Variants in CASP8 observed in about 807,000 individuals in gnomAD.
CASP8 encodes the protein caspase 8.
A neutral mutation model predicts 46.3 loss-of-function variants in CASP8; 24 were observed. The ratio of observed to expected loss-of-function variants is 0.52; its 90% CI spans 0.38 to 0.73. The LOEUF (loss-of-function observed/expected upper bound fraction) is 0.73. Ranked by LOEUF, CASP8 falls within the 30% of genes least tolerant of loss-of-function variation. The probability of loss-of-function intolerance (pLI) is 0.00; values close to 1 mark genes in which losing one functional copy is unlikely to be tolerated. For synonymous variants in CASP8, 188 were observed against 200.4 expected (o/e 0.94, Z 0.52); for missense variants, 460 against 559.0 (o/e 0.82, Z 1.79).
At chr2:201,262,552 T>A (rs1250215567) in intron 1 of CASP8, among the ~76,000 whole-genome samples, 1 of 151,978 alleles carries the variant, frequency 6.6e-6, no homozygotes, top group African/African-American at 2.4e-5. Flanking sequence ...GGAAAAAAAA[T>A]TGGGAAAAGG....
At chr2:201,239,391 G>A (rs911777912) in intron 2 of CASP8, among the ~76,000 whole-genome samples, 1 of 152,120 alleles carries the variant, frequency 6.6e-6, no homozygotes, top group East Asian at 1.9e-4. Flanking sequence ...CTGGCCGGGC[G>A]GGGGGCTGAC....
intron 5 of CASP8, 77 bp downstream of exon 5, chr2:201,273,019 C>A: frequency 1.6e-5 from 18 of 1,134,476 alleles, no homozygotes; most frequent in Non-Finnish European, 2.1e-5. Flanking sequence ...CCACAGCCTT[C>A]TACCACATGC....
At chr2:201,278,340 C>T (rs1948779761) in intron 7 of CASP8, among the ~76,000 whole-genome samples, 1 of 152,078 alleles carries the variant, frequency 6.6e-6, no homozygotes, top group African/African-American at 2.4e-5. Flanking sequence ...TCCTGAGAGA[C>T]TCCCTTCTGT....
At chr2:201,263,754 G>A (rs2125115668) in intron 1 of CASP8, among the ~76,000 whole-genome samples, 1 of 152,302 alleles carries the variant, frequency 6.6e-6, no homozygotes, top group South Asian at 2.1e-4. Flanking sequence ...AAATTGTAAA[G>A]ACAGTTGACC....
chr2:201,275,407 T>G (rs1948570470), intron 6 of CASP8, among the ~76,000 whole-genome samples: 1 of 152,204 alleles, frequency 6.6e-6, no homozygotes, highest in Admixed American at 6.5e-5. Flanking sequence ...TGTGTTTTTG[T>G]CTCAGTGAAC....
At chr2:201,267,731 A>C (rs1050236941) in intron 2 of CASP8, among the ~76,000 whole-genome samples, 5 of 152,190 alleles carry the variant, frequency 3.3e-5, no homozygotes, top group Non-Finnish European at 7.3e-5. Context: ...TGCTTTCAGG[A>C]AACTTCTACT....
rs1270971208 is a variant in CASP8, at chr2:201,283,672, C to A, written c.803-1144C>A. Among the ~76,000 whole-genome samples the A allele has an allele frequency of 2.4e-5, 2 of 83,642 alleles. 1 individual carries two copies. The highest frequency in any genetic ancestry group is 5.7e-5 in the Non-Finnish European group (2 of 35,124). The allele number at this position is 83,642 out of a possible 152,430, so 54.9% of individuals were successfully genotyped here. A position where few individuals can be genotyped will look rare whatever the true frequency, so the allele number is the denominator to read the frequency against. ...GCAGAGGCGCCCCTCACCTCCCGGA[C>A]GGGGCGGATGGCCGACCACCCCCCC... is the stretch of plus-strand genomic sequence containing the variant. On this transcript the variant is annotated intron_variant, in intron 7 of 8. Coordinates refer to ENST00000673742, the MANE Select transcript of CASP8 (RefSeq NM_001372051.1).
chr2:201,256,066 T>C (rs566935244), upstream of CASP8, among the ~76,000 whole-genome samples: 24 of 152,206 alleles, frequency 1.6e-4, 1 homozygote, highest in South Asian at 4.1e-3. Flanking sequence ...AGCCTATTTA[T>C]TGAGAAATGT....
At chr2:201,267,519 C>T (rs1008491083) in intron 2 of CASP8, among the ~76,000 whole-genome samples, 5 of 152,044 alleles carry the variant, frequency 3.3e-5, no homozygotes, top group African/African-American at 4.8e-5. Flanking sequence ...GACAGTGGCA[C>T]GTTGGGTCAT....
At position 201,260,562 on chromosome 2, in the gene CASP8, C is replaced by T. The variant is rs1576277701; in HGVS notation, c.-78C>T. ...GACGTTTGCTCTTGTCTTAGATGCT[C>T]AGATGGTAGTGGATAGGCCTGTGAC... On this transcript the variant is annotated 5_prime_UTR_variant, in exon 1 of 9. Transcript: ENST00000673742. The T allele has an allele frequency of 1.0e-6, 1 of 985,396 alleles. No homozygotes were observed. The highest frequency in any genetic ancestry group is 1.2e-6 in the Non-Finnish European group (1 of 829,870). The allele number at this position is 985,396 out of a possible 1,614,324, so 61.0% of individuals were successfully genotyped here.
At position 201,274,938 on chromosome 2, in the gene CASP8, G is replaced by C. The variant is rs761692687; in HGVS notation, c.645G>C (p.Gln215His). 1 of 1,612,154 alleles carries C rather than the reference G, an allele frequency of 6.2e-7. No individual in the cohort carries two copies. The highest frequency in any genetic ancestry group is 8.5e-7 in the Non-Finnish European group (1 of 1,178,300). The change falls in exon 6 of 9, where the codon CAG (glutamine) becomes CAC (histidine). Residue 215 changes from glutamine (Q) to histidine (H), a missense_variant. Coordinates refer to ENST00000673742, the MANE Select transcript of CASP8 (RefSeq NM_001372051.1). ...VMTISDSPRE[Q>H]DSESQTLDKV... ...CAATCTCGGACTCTCCAAGAGAACAGGATAGTGAATCACAGGTAGACGGAA... is the reference window on the plus strand; with the variant it reads ...CAATCTCGGACTCTCCAAGAGAACACGATAGTGAATCACAGGTAGACGGAA...
chr2:201,258,265 G>C (rs377242086), upstream of CASP8: 4 of 1,606,802 alleles, frequency 2.5e-6, no homozygotes, highest in Non-Finnish European at 3.4e-6. Flanking sequence ...GGTGGTTATT[G>C]AAAGTAAAAG....
intron 7 of CASP8, among the ~76,000 whole-genome samples, chr2:201,281,654 A>T (rs564635977): frequency 1.3e-5 from 2 of 151,724 alleles, no homozygotes; most frequent in Non-Finnish European, 2.9e-5. Context: ...GTTTAGGATA[A>T]AATAAGTTGG....
chr2:201,241,337 G>A (rs575784509), intron 2 of CASP8: 2 of 152,132 alleles, frequency 1.3e-5, no homozygotes, highest in South Asian at 4.1e-4. Context: ...AAAGAGAGAA[G>A]ACTCAAATAA....
At chr2:201,271,828 G>A (rs1948268699) in intron 3 of CASP8, among the ~76,000 whole-genome samples, 1 of 151,830 alleles carries the variant, frequency 6.6e-6, no homozygotes, top group South Asian at 2.1e-4. Flanking sequence ...GCAAGGCAGA[G>A]TCAGAGGCCG....
At chr2:201,251,543 C>A (rs1276436523) in intron 2 of CASP8, among the ~76,000 whole-genome samples, 1 of 141,154 alleles carries the variant, frequency 7.1e-6, no homozygotes, top group African/African-American at 2.6e-5. Flanking sequence ...TGCATTGAGC[C>A]AAGATGGCGC....
chr2:201,233,763 G>A (rs1464087911), intron 1 of CASP8: 1 of 152,258 alleles, frequency 6.6e-6, no homozygotes, highest in Non-Finnish European at 1.5e-5. Context: ...AGGCAGAGCT[G>A]GGATTTGAAT....
intron 6 of CASP8, among the ~76,000 whole-genome samples, chr2:201,276,283 T>C (rs1055682049): frequency 6.6e-6 from 1 of 152,190 alleles, no homozygotes; most frequent in African/African-American, 2.4e-5. Context: ...GCCACCGTGG[T>C]CCTGAGAGCT....
chr2:201,254,817 T>C (rs1403038532), intron 2 of CASP8, among the ~76,000 whole-genome samples: 1 of 152,158 alleles, frequency 6.6e-6, no homozygotes, highest in Non-Finnish European at 1.5e-5. Flanking sequence ...GGAAACCACT[T>C]GGAGATTGAG....
Sources: allele counts gnomAD v4.1 joint callset (sites outside exome capture counted in the v4.1 genomes callset), GRCh38; gene constraint gnomAD v4.1.1; transcripts MANE v1.5; gene names NCBI Gene and HGNC (gene_info 2026-07-23, HGNC 2026-07-21).